ZNF81: variants seen among roughly 807,000 people sequenced by gnomAD.
ZNF81 encodes the protein zinc finger protein 81 (HFZ20).
Under a neutral mutation model 32.3 loss-of-function variants are expected in ZNF81, and 5 were observed. The ratio of observed to expected loss-of-function variants is 0.15; its 90% CI spans 0.08 to 0.33. The LOEUF (loss-of-function observed/expected upper bound fraction) is 0.33, where lower values mean the gene tolerates loss of function less well. Ranked by LOEUF, ZNF81 falls within the 10% of genes least tolerant of loss-of-function variation. The pLI is 1.00. For missense variants in ZNF81, 379 were observed against 479.8 expected (o/e 0.79, Z 1.96); for synonymous variants, 163 against 166.8 (o/e 0.98, Z 0.17).
intron 3 of ZNF81, among the ~76,000 whole-genome samples, chrX:47,893,794 C>CA (rs34645071): frequency 7.4e-4 from 43 of 58,094 alleles, no homozygotes; most frequent in Non-Finnish European, 9.9e-4. Context: ...GACTCTGTCT[C>CA]AAAAAAAAAA....
chrX:47,885,613 A>G (rs1049877403), intron 2 of ZNF81, among the ~76,000 whole-genome samples: 8 of 111,783 alleles, frequency 7.2e-5, no homozygotes, highest in Non-Finnish European at 1.5e-4. Flanking sequence ...TCTGCTTCCA[A>G]GATGGCGCCT....
chrX:47,903,280 G>A (rs1248471627), intron 4 of ZNF81, among the ~76,000 whole-genome samples: 1 of 104,009 alleles, frequency 9.6e-6, no homozygotes, highest in Non-Finnish European at 2.0e-5. Flanking sequence ...GTCCCTGTTT[G>A]CAGATGACAT....
At chrX:47,891,820 T>A (rs782408608) in intron 3 of ZNF81, among the ~76,000 whole-genome samples, 14 of 112,199 alleles carry the variant, frequency 1.2e-4, no homozygotes, top group Admixed American at 1.9e-4. Context: ...TTATTCTTTT[T>A]TCCCAATACA....
chrX:47,872,335 T>C (rs2058583495), intron 2 of ZNF81, among the ~76,000 whole-genome samples: 1 of 111,997 alleles, frequency 8.9e-6, no homozygotes. Flanking sequence ...TGCATTGTTC[T>C]TCAGTTTTAG....
intron 2 of ZNF81, among the ~76,000 whole-genome samples, chrX:47,858,410 T>C (rs2058525930): frequency 1.8e-5 from 2 of 112,281 alleles, no homozygotes; most frequent in Non-Finnish European, 1.9e-5. Context: ...TCTTGTCTTA[T>C]ACTTTTCCAG....
In ZNF81 at chrX:47,918,343, T is replaced by C. The variant is rs2058764521; in HGVS notation, c.*1711T>C. On this transcript the variant is annotated 3_prime_UTR_variant, in exon 5 of 5. Coordinates refer to ENST00000338637, the MANE Select transcript of ZNF81 (RefSeq NM_007137.5). ...GTCTGTAAGACTCTTTATTACAGTG[T>C]GTGAAATAGTTCAGTTGGTGCTTAG... The C allele has an allele frequency of 9.0e-6, 1 of 111,263 alleles. No homozygotes were observed. Among genetic ancestry groups the C allele is most frequent in the South Asian group, 3.8e-4 (1 of 2,659 alleles). The allele number at this position is 111,263 out of a possible 1,213,427, so 9.2% of individuals were successfully genotyped here. A position where few individuals can be genotyped will look rare whatever the true frequency, so the allele number is the denominator to read the frequency against.
At position 47,916,795 on chromosome X, in the gene ZNF81, A is replaced by T; in HGVS notation, c.*163A>T. On this transcript the variant is annotated 3_prime_UTR_variant, in exon 5 of 5. Coordinates refer to ENST00000338637, the MANE Select transcript of ZNF81 (RefSeq NM_007137.5). Reference sequence around the variant, plus strand: ...AGATGGAAAAAAATTATTCAGAAGAAACTCTCTTAAAAATGCATTGAAGGA... The same window carrying T: ...AGATGGAAAAAAATTATTCAGAAGATACTCTCTTAAAAATGCATTGAAGGA... 2.0e-6 allele frequency: 1 copy of T among 508,644 alleles called. No individual in the cohort carries two copies. Among genetic ancestry groups the T allele is most frequent in the East Asian group, 4.1e-5 (1 of 24,680 alleles). 41.9% of individuals were successfully genotyped at this position (508,644 alleles called of 1,213,427 possible). A position where few individuals can be genotyped will look rare whatever the true frequency, so the allele number is the denominator to read the frequency against.
intron 2 of ZNF81, among the ~76,000 whole-genome samples, chrX:47,863,525 T>C (rs896442741): frequency 1.8e-5 from 2 of 112,329 alleles, no homozygotes; most frequent in African/African-American, 6.5e-5. Flanking sequence ...ATCCCTGCCA[T>C]CTACCTGAAA....
At position 47,918,183 on chromosome X, in the gene ZNF81, G is replaced by C. The variant is rs1328980339; in HGVS notation, c.*1551G>C. 9.0e-6 allele frequency: 1 copy of C among 110,903 alleles called. No individual in the cohort carries two copies. The highest frequency in any genetic ancestry group is 1.9e-5 in the Non-Finnish European group (1 of 53,014). 9.1% of individuals were successfully genotyped at this position (110,903 alleles called of 1,213,427 possible). On this transcript the variant is annotated 3_prime_UTR_variant, in exon 5 of 5. Coordinates refer to ENST00000338637, the MANE Select transcript of ZNF81 (RefSeq NM_007137.5). The stretch of plus-strand genomic sequence containing the variant: ...GAAATAACTGTTTCTTTGGCAAGCA[G>C]AATTCAGAAGAAATATGGAAAAGCC...
intron 4 of ZNF81, among the ~76,000 whole-genome samples, chrX:47,896,156 G>T (rs2058679364): frequency 9.0e-6 from 1 of 111,076 alleles, no homozygotes; most frequent in African/African-American, 3.3e-5. Flanking sequence ...TTTCTTCCAG[G>T]AGAATTGCCC....
At chrX:47,877,112 G>C (rs910027751) in intron 2 of ZNF81, among the ~76,000 whole-genome samples, 10 of 112,306 alleles carry the variant, frequency 8.9e-5, no homozygotes, top group Non-Finnish European at 1.9e-4. Flanking sequence ...ACACTGAATT[G>C]GCCCAAAGGG....
At chrX:47,848,161 C>G (rs5905631) in intron 2 of ZNF81, among the ~76,000 whole-genome samples, 1 of 109,970 alleles carries the variant, frequency 9.1e-6, no homozygotes, top group Non-Finnish European at 1.9e-5. Context: ...GTGATCTGCC[C>G]GCCTCGGCCT....
At chrX:47,909,892 AATG>A (rs1474436087) in intron 4 of ZNF81, among the ~76,000 whole-genome samples, 1 of 109,394 alleles carries the variant, frequency 9.1e-6, no homozygotes, top group Non-Finnish European at 1.9e-5. Context: ...GTTTACTGAG[AATG>A]ATGATTTCCA....
Position 47,846,306 on chromosome X carries a change from T to C in ZNF81, c.39T>C (p.His13=). The C allele has an allele frequency of 8.3e-7, 1 of 1,209,230 alleles. No homozygotes were observed. Among genetic ancestry groups the C allele is most frequent in the Non-Finnish European group, 1.1e-6 (1 of 894,762 alleles). ...ANEDAPQPGE[H]GSACEVSVSF... The stretch of plus-strand genomic sequence containing the variant: ...AGGACGCTCCCCAGCCAGGGGAACA[T>C]GGCAGTGCCTGTGAGGTGAGGAGGA... Residue 13 remains histidine, a synonymous_variant, in exon 2 of 5, where the codon CAT becomes CAC. Transcript: ENST00000338637.
intron 4 of ZNF81, among the ~76,000 whole-genome samples, chrX:47,909,502 TTTTG>T (rs200538802): frequency 0.014 from 1,592 of 111,325 alleles, 17 homozygotes; most frequent in African/African-American, 0.029. Context: ...ACTTAAGGTT[TTTTG>T]TTTGTTTGTT....
intron 1 of ZNF81, among the ~76,000 whole-genome samples, chrX:47,840,509 T>TC (rs1161895640): frequency 2.2e-4 from 24 of 106,907 alleles, no homozygotes; most frequent in East Asian, 8.7e-4. Context: ...TTTTCTTTTT[T>TC]TTTTTTTTTT....
chrX:47,838,243 C>T, intron 1 of ZNF81, among the ~76,000 whole-genome samples: 1 of 111,725 alleles, frequency 9.0e-6, no homozygotes, highest in Non-Finnish European at 1.9e-5. Flanking sequence ...TCTGCATGAG[C>T]AATCATGTCA....
At chrX:47,902,542 T>C (rs2058702401) in intron 4 of ZNF81, among the ~76,000 whole-genome samples, 1 of 112,281 alleles carries the variant, frequency 8.9e-6, no homozygotes, top group African/African-American at 3.2e-5. Flanking sequence ...CAGAATAGAC[T>C]ATTTTGGGAT....
At chrX:47,874,402 C>T (rs1464960206) in intron 2 of ZNF81, among the ~76,000 whole-genome samples, 2 of 112,276 alleles carry the variant, frequency 1.8e-5, no homozygotes, top group African/African-American at 3.2e-5. Context: ...TAAGCACAGC[C>T]TGCTGGTTGC....
Sources: gnomAD v4.1 joint callset for allele counts (sites outside exome capture counted in the v4.1 genomes callset) on GRCh38, gnomAD v4.1.1 for gene constraint, MANE v1.5 for transcripts, NCBI Gene and HGNC (gene_info 2026-07-23, HGNC 2026-07-21) for gene names.